Variants in GANAB observed in about 807,000 individuals in gnomAD.
GANAB encodes glucosidase II alpha subunit, also known as neutral alpha-glucosidase AB.
In GANAB, 35 loss-of-function variants were observed where a neutral mutation model predicts 129.9. That is an observed-to-expected ratio of 0.27 (90% CI 0.21 to 0.36). The LOEUF (loss-of-function observed/expected upper bound fraction) is 0.36. GANAB is among the 10% of genes least tolerant of loss of function. The pLI, the probability that GANAB is intolerant of heterozygous loss-of-function variation, is 1.00. For missense variants in GANAB, 939 were observed against 1,221.0 expected, an observed-to-expected ratio of 0.77 and a Z score of 3.44; for synonymous variants, 482 against 451.8, an observed-to-expected ratio of 1.07 and a Z score of -0.85.
chr11:62,626,830 G>A, intron 20 of GANAB, 30 bp downstream of exon 20: 2 of 1,544,172 alleles, frequency 1.3e-6, no homozygotes, highest in Admixed American at 1.7e-5. Flanking sequence ...ACAGGGAGAT[G>A]GAACCGGCAG....
At chr11:62,638,270 C>T (rs1350126136) in intron 4 of GANAB, among the ~76,000 whole-genome samples, 1 of 152,130 alleles carries the variant, frequency 6.6e-6, no homozygotes. Flanking sequence ...CGTCCTGCCT[C>T]GGCCTCCTGA....
intron 17 of GANAB, among the ~76,000 whole-genome samples, chr11:62,628,361 C>T (rs1052150260): frequency 1.3e-5 from 2 of 151,760 alleles, no homozygotes; most frequent in African/African-American, 4.8e-5. Context: ...GGATTACAGG[C>T]GCCATGATGC....
Position 62,630,378 on chromosome 11 carries a change from C to G in GANAB, c.1513+1G>C. The stretch of plus-strand genomic sequence containing the variant: ...TCTCCCTCAATTCTGGGTCTGCTTA[C>G]CTGGCCAGCACCAGCCCTCATAGTC... On this transcript the variant is annotated splice_donor_variant, in intron 12 of 23. Transcript: ENST00000356638. LOFTEE classifies it high-confidence loss of function. The G allele has an allele frequency of 6.2e-7, 1 of 1,614,170 alleles. No homozygotes were observed. The highest frequency in any genetic ancestry group is 8.5e-7 in the Non-Finnish European group (1 of 1,180,024).
rs1470740885 is a variant in GANAB, at chr11:62,631,272, C to T, written c.997-89G>A. On this transcript the variant is annotated intron_variant, in intron 9 of 23. Coordinates refer to ENST00000356638, the MANE Select transcript of GANAB (RefSeq NM_198334.3). ...AAAAGTAGCAATTTTCTCCCAGAGT[C>T]CACACAGAGCTGGCTCATGTAAGCT... The T allele has an allele frequency of 2.4e-6, 3 of 1,244,600 alleles. No homozygotes were observed. The East Asian group carries it at 7.0e-5, about 29-fold the overall frequency. The allele number at this position is 1,244,600 out of a possible 1,614,324, so 77.1% of individuals were successfully genotyped here.
At chr11:62,634,016 T>G (rs574000724) in intron 5 of GANAB, 297 of 411,892 alleles carry the variant, frequency 7.2e-4, no homozygotes, top group Middle Eastern at 3.4e-3. Context: ...GCCCAGAACC[T>G]CAGGTGCCCC....
At chr11:62,638,031 C>T (rs2134521456) in intron 4 of GANAB, among the ~76,000 whole-genome samples, 1 of 152,126 alleles carries the variant, frequency 6.6e-6, no homozygotes, top group African/African-American at 2.4e-5. Flanking sequence ...CATATGTATA[C>T]ACACATAATA....
At chr11:62,641,688 C>G (rs1268541856) in intron 1 of GANAB, among the ~76,000 whole-genome samples, 1 of 152,018 alleles carries the variant, frequency 6.6e-6, no homozygotes, top group African/African-American at 2.4e-5. Flanking sequence ...TCAAGCAATT[C>G]CCATGCCTCA....
Position 62,630,430 on chromosome 11 carries a change from G to A in GANAB, c.1462C>T (p.Leu488=), listed in dbSNP as rs766939762. 6.2e-7 allele frequency: 1 copy of A among 1,614,176 alleles called. No individual in the cohort carries two copies. Among genetic ancestry groups the A allele is most frequent in the Non-Finnish European group, 8.5e-7 (1 of 1,180,020 alleles). ...GAGCCATCCCGGGTTTTAACATACA[G>A]CCCCAGGTTCCGCAGCTCCTCGTGA... ...RVHEELRNLG[L]YVKTRDGSDY... The change falls in exon 12 of 24, where the codon CTG becomes TTG. Residue 488 remains leucine (L), a synonymous_variant. Transcript: ENST00000356638.
chr11:62,632,613 G>C lies in GANAB; in HGVS notation c.948C>G (p.Leu316=), dbSNP rs1469827008. ...TATCAACCCAGGTCTCTGCAGCATT[G>C]AGCCAGAAGATGCCCAAGTCGCGAT... The part of the protein sequence containing the change: ...NPHRDLGIFW[L]NAAETWVDIS... The change falls in exon 9 of 24, where the codon CTC becomes CTG. Residue 316 remains leucine (L), a synonymous_variant. Coordinates refer to ENST00000356638, the MANE Select transcript of GANAB (RefSeq NM_198334.3). 5 of 1,613,930 alleles carry C rather than the reference G, an allele frequency of 3.1e-6. No homozygotes were observed. In the African/African-American group the frequency reaches 6.7e-5, roughly 22 times the overall value.
At chr11:62,627,158 G>C (rs763082802) in intron 18 of GANAB, 34 bp from the exon 19 acceptor site, 1 of 1,571,166 alleles carries the variant, frequency 6.4e-7, no homozygotes, top group East Asian at 2.2e-5. Context: ...TGAATAGGGG[G>C]ATTAGTTCCC....
At chr11:62,626,713 T>G in intron 20 of GANAB, 29 bp from the exon 21 acceptor site, 3 of 1,487,910 alleles carry the variant, frequency 2.0e-6, no homozygotes, top group Non-Finnish European at 2.8e-6. Context: ...CAGGATGAAG[T>G]TGCCCCCTTG....
chr11:62,631,792 G>A (rs1418134129), intron 9 of GANAB, among the ~76,000 whole-genome samples: 4 of 151,480 alleles, frequency 2.6e-5, no homozygotes, highest in East Asian at 1.9e-4. Context: ...TTTTTCAAAC[G>A]TTTTTATAGA....
intron 4 of GANAB, among the ~76,000 whole-genome samples, chr11:62,638,505 T>C (rs1358724349): frequency 6.6e-6 from 1 of 152,004 alleles, no homozygotes; most frequent in Non-Finnish European, 1.5e-5. Context: ...GATGGATGCA[T>C]GGAACACTGG....
In GANAB at chr11:62,633,094, C is replaced by A. The variant is rs751405367; in HGVS notation, c.726G>T (p.Met242Ile). The change falls in exon 8 of 24, where the codon ATG (methionine) becomes ATT (isoleucine). Residue 242 changes from methionine to isoleucine, a missense_variant. This residue lies in a region of GANAB where 321 missense variants were observed against 329.1 expected (regional missense o/e 0.98). Transcript: ENST00000356638. ...GCAGAGAGAAGTCCAAACCCACAGA[C>A]ATGGGGCCTGGAAGAAAAACAAACA... ...THSDSKPYGP[M>I]SVGLDFSLPG... is the part of the protein sequence containing the mutation. The A allele has an allele frequency of 6.2e-7, 1 of 1,611,742 alleles. No individual in the cohort carries two copies. Among genetic ancestry groups the A allele is most frequent in the Non-Finnish European group, 8.5e-7 (1 of 1,177,856 alleles).
chr11:62,630,639 G>C lies in GANAB; in HGVS notation c.1348C>G (p.Arg450Gly). ...GAAGCCAAGCGCTCAAGCATGGTGC[G>C]GGGCTGAGGGAAGCGACTGGGGTCC... is the stretch of plus-strand genomic sequence containing the variant. ...TWDPSRFPQP[R>G]TMLERLASKR... Residue 450 changes from arginine (R) to glycine (G), a missense_variant, in exon 11 of 24, where the codon CGC becomes GGC. By Grantham distance (125) the Arg-to-Gly change is moderately radical. Around this residue, in one of 5 missense-constraint regions of GANAB, gnomAD observed 220 missense variants for 295.9 expected, o/e 0.74. Transcript: ENST00000356638. The C allele has an allele frequency of 6.2e-7, 1 of 1,614,148 alleles. No individual in the cohort carries two copies. The highest frequency in any genetic ancestry group is 8.5e-7 in the Non-Finnish European group (1 of 1,179,978).
rs951765499 is a variant in GANAB, at chr11:62,624,833, T to C, written c.*982A>G. The C allele has an allele frequency of 4.7e-6, 1 of 210,826 alleles. No individual in the cohort carries two copies. The highest frequency in any genetic ancestry group is 5.3e-5 in the Admixed American group (1 of 18,908). The allele number at this position is 210,826 out of a possible 1,614,324, so 13.1% of individuals were successfully genotyped here. A position where few individuals can be genotyped will look rare whatever the true frequency, so the allele number is the denominator to read the frequency against. ...AATCCAGACTACCACCAGTTATTTA[T>C]GGTTTATCCCTTTATTGTTTCTCCT... On this transcript the variant is annotated 3_prime_UTR_variant, in exon 24 of 24. Coordinates refer to ENST00000356638, the MANE Select transcript of GANAB (RefSeq NM_198334.3).
At position 62,633,276 on chromosome 11, in the gene GANAB, T is replaced by G. The variant is rs1278670479; in HGVS notation, c.631-5A>C. On this transcript the variant is annotated splice_region_variant and splice_polypyrimidine_tract_variant and intron_variant, in intron 6 of 23. Transcript: ENST00000356638. ...CTTCCCCTGAGTCTCCTCTGGCTGT[T>G]AAGAAGAAAAGAGGACCACTCTCCA... 6.2e-7 allele frequency: 1 copy of G among 1,610,934 alleles called. No individual in the cohort carries two copies. Among genetic ancestry groups the G allele is most frequent in the Non-Finnish European group, 8.5e-7 (1 of 1,177,232 alleles).
chr11:62,638,693 A>T (rs1325009085), intron 4 of GANAB, among the ~76,000 whole-genome samples: 2 of 152,086 alleles, frequency 1.3e-5, no homozygotes, highest in African/African-American at 4.8e-5. Context: ...GGAGAACGAG[A>T]TCTGTAAATA....
chr11:62,633,059 T>C lies in GANAB; in HGVS notation c.761A>G (p.Glu254Gly). 1 of 1,612,254 alleles carries C rather than the reference T, an allele frequency of 6.2e-7. No individual in the cohort carries two copies. Among genetic ancestry groups the C allele is most frequent in the Non-Finnish European group, 8.5e-7 (1 of 1,178,392 alleles). ...ATGCTCAGGGATCCCATAGACATGC[T>C]CCATGCCTGGCAGAGAGAAGTCCAA... ...VGLDFSLPGM[E>G]HVYGIPEHAD... The change falls in exon 8 of 24, where the codon GAG (glutamate) becomes GGG (glycine). Residue 254 changes from glutamate (E) to glycine (G), a missense_variant. By Grantham distance (98) the Glu-to-Gly change is moderately conservative (BLOSUM62 -2). This residue lies in a region of GANAB where 321 missense variants were observed against 329.1 expected (regional missense o/e 0.98). Transcript: ENST00000356638.
Sources: gnomAD v4.1 joint callset for allele counts (sites outside exome capture counted in the v4.1 genomes callset) on GRCh38, gnomAD v4.1.1 for gene constraint, gnomAD v4.1.1 regional missense constraint, MANE v1.5 for transcripts, NCBI Gene and HGNC (gene_info 2026-07-23, HGNC 2026-07-21) for gene names.